Variants in HIF3A observed in about 807,000 individuals in gnomAD.
HIF3A encodes hypoxia-inducible factor 3-alpha.
Under a neutral mutation model 67.2 loss-of-function variants are expected in HIF3A, and 41 were observed. The observed-to-expected ratio is 0.61, with a 90% CI of 0.48 to 0.79. The LOEUF (loss-of-function observed/expected upper bound fraction) is 0.79. Among genes scored for constraint, HIF3A ranks in the 30% least tolerant of loss-of-function variants. HIF3A has a pLI of 0.00. For synonymous variants in HIF3A, 356 were observed against 374.8 expected (o/e 0.95, Z 0.58); for missense variants, 855 against 898.0 (o/e 0.95, Z 0.61).
intron 14 of HIF3A, among the ~76,000 whole-genome samples, chr19:46,336,428 G>A (rs1488416054): frequency 6.6e-6 from 1 of 151,930 alleles, no homozygotes; most frequent in African/African-American, 2.4e-5. Context: ...GTGCAGTGGT[G>A]CACTGTCAGC....
At chr19:46,324,198 C>T (rs1044035974) in intron 10 of HIF3A, among the ~76,000 whole-genome samples, 2 of 152,208 alleles carry the variant, frequency 1.3e-5, no homozygotes, top group African/African-American at 4.8e-5. Context: ...TTAATTTCTT[C>T]ACCTATAAAA....
Position 46,324,985 on chromosome 19 carries a change from TTGTGTG to T in HIF3A, c.1336-525_1336-520del, listed in dbSNP as rs542186240. On this transcript the variant is annotated intron_variant, in intron 10 of 14. Transcript: ENST00000377670. ...ACATACACACACACACACACATATA[TTGTGTG>T]TGTGTGTGTGTGTGTGTGTGTGTGA... Among the ~76,000 whole-genome samples the T allele has an allele frequency of 2.5e-4, 32 of 127,926 alleles. No individual in the cohort carries two copies. The South Asian group carries it at 5.6e-3, about 23-fold the overall frequency. The allele number at this position is 127,926 out of a possible 152,430, so 83.9% of individuals were successfully genotyped here. A position where few individuals can be genotyped will look rare whatever the true frequency, so the allele number is the denominator to read the frequency against.
At chr19:46,310,526 C>T in intron 6 of HIF3A, 2 of 449,000 alleles carry the variant, frequency 4.5e-6, no homozygotes, top group Non-Finnish European at 9.0e-6. Context: ...ATCCCTCGCC[C>T]TGGTGTCATG....
chr19:46,333,324 G>A (rs923115801), intron 13 of HIF3A, among the ~76,000 whole-genome samples: 11 of 151,628 alleles, frequency 7.3e-5, no homozygotes, highest in Non-Finnish European at 1.6e-4. Context: ...AAATCAGCAA[G>A]CCTGGTGCAG....
chr19:46,303,336 G>A (rs537425371), intron 1 of HIF3A, among the ~76,000 whole-genome samples: 90 of 152,334 alleles, frequency 5.9e-4, no homozygotes, highest in African/African-American at 1.9e-3. Flanking sequence ...TCACCCTGGC[G>A]GGTCCCTGCC....
chr19:46,329,428 T>G lies in HIF3A; in HGVS notation c.1662T>G (p.Pro554=), dbSNP rs781675722. ...GSDPRLSCSS[P]SRGDPSASSP... ...ACCCCCGGCTGAGCTGCTCCAGCCC[T>G]TCCAGAGGGGACCCCTCAGCATCCT... is the stretch of plus-strand genomic sequence containing the variant. The change falls in exon 12 of 15, where the codon CCT becomes CCG. Residue 554 remains proline (P), a synonymous_variant. Transcript: ENST00000377670. 6.3e-7 allele frequency: 1 copy of G among 1,578,052 alleles called. No individual in the cohort carries two copies. Among genetic ancestry groups the G allele is most frequent in the East Asian group, 2.3e-5 (1 of 44,060 alleles).
Position 46,339,871 on chromosome 19 carries a change from G to T in HIF3A, c.*249G>T. On this transcript the variant is annotated 3_prime_UTR_variant, in exon 15 of 15. Coordinates refer to ENST00000377670, the MANE Select transcript of HIF3A (RefSeq NM_152795.4). ...CCCTGGCCCCCTCCTCCTTCTCTCA[G>T]GATTTCTCTTGGGGTTCTCAATACT... 2.5e-6 allele frequency: 1 copy of T among 392,294 alleles called. No homozygotes were observed. Among genetic ancestry groups the T allele is most frequent in the Non-Finnish European group, 4.5e-6 (1 of 221,822 alleles). 24.3% of individuals were successfully genotyped at this position (392,294 alleles called of 1,614,324 possible). A position where few individuals can be genotyped will look rare whatever the true frequency, so the allele number is the denominator to read the frequency against.
intron 1 of HIF3A, among the ~76,000 whole-genome samples, chr19:46,302,127 T>C (rs1186524356): frequency 6.6e-6 from 1 of 152,082 alleles, no homozygotes; most frequent in Non-Finnish European, 1.5e-5. Context: ...GTCTTTTTTT[T>C]GTTTTTTATT....
At chr19:46,323,104 G>A (rs1234731122) in intron 10 of HIF3A, among the ~76,000 whole-genome samples, 2 of 151,198 alleles carry the variant, frequency 1.3e-5, no homozygotes, top group Admixed American at 6.6e-5. Context: ...AGGCTGGAGT[G>A]CAATGGCATG....
chr19:46,297,119 G>A lies in HIF3A; in HGVS notation c.26+17G>A. On this transcript the variant is annotated intron_variant, in intron 1 of 14. Transcript: ENST00000377670. This position sits in a 1 kb window ranked among gnomAD's most constrained non-coding sequence, Gnocchi z 4.5. ...GCGCGCAAGGTACTGAAGTTCGGGG[G>A]CAGGAGTTCTGGGAATTGGGGGGCT... 2 of 1,198,238 alleles carry A rather than the reference G, an allele frequency of 1.7e-6. No homozygotes were observed. Among genetic ancestry groups the A allele is most frequent in the Non-Finnish European group, 2.1e-6 (2 of 945,262 alleles). 74.2% of individuals were successfully genotyped at this position (1,198,238 alleles called of 1,614,324 possible).
chr19:46,335,324 C>T (rs1971534554), intron 14 of HIF3A, among the ~76,000 whole-genome samples: 1 of 151,870 alleles, frequency 6.6e-6, no homozygotes, highest in Non-Finnish European at 1.5e-5. Context: ...GGCTGGAGTG[C>T]AGTGGCATGA....
Position 46,305,065 on chromosome 19 carries a change from C to T in HIF3A, c.218-180C>T, listed in dbSNP as rs376784340. On this transcript the variant is annotated intron_variant, in intron 2 of 14. Coordinates refer to ENST00000377670, the MANE Select transcript of HIF3A (RefSeq NM_152795.4). The stretch of plus-strand genomic sequence containing the variant: ...GGAGGCCCTGCTTCTAATTCCAGTG[C>T]TTCTTGGTCCTGCTTTCTTCCTTGG... 21 of 830,568 alleles carry T rather than the reference C, an allele frequency of 2.5e-5. No homozygotes were observed. In the African/African-American group the frequency reaches 2.8e-4, roughly 11 times the overall value. The allele number at this position is 830,568 out of a possible 1,614,324, so 51.4% of individuals were successfully genotyped here.
chr19:46,326,209 C>T (rs1307361896), intron 11 of HIF3A, among the ~76,000 whole-genome samples: 7 of 152,174 alleles, frequency 4.6e-5, no homozygotes, highest in Non-Finnish European at 1.0e-4. Context: ...GGCTGGAGGC[C>T]TCAGTTCCTC....
chr19:46,307,455 A>T (rs554698708), intron 3 of HIF3A, among the ~76,000 whole-genome samples: 9 of 152,072 alleles, frequency 5.9e-5, no homozygotes, highest in Non-Finnish European at 1.2e-4. Flanking sequence ...AATTTGTAAA[A>T]ATTAGCCAAA....
chr19:46,300,656 G>A (rs748000465), intron 1 of HIF3A, among the ~76,000 whole-genome samples: 2 of 152,164 alleles, frequency 1.3e-5, no homozygotes, highest in East Asian at 1.9e-4. Flanking sequence ...GCAAGATTAC[G>A]TTCACACAGC....
chr19:46,336,939 A>T (rs895535900), intron 14 of HIF3A, among the ~76,000 whole-genome samples: 3 of 152,178 alleles, frequency 2.0e-5, no homozygotes, highest in African/African-American at 7.2e-5. Flanking sequence ...GTGAGCTGAG[A>T]TCACGCCATT....
At chr19:46,305,112 A>G (rs1968716520) in intron 2 of HIF3A, 133 bp from the exon 3 acceptor site, 4 of 1,267,172 alleles carry the variant, frequency 3.2e-6, no homozygotes, top group Non-Finnish European at 4.6e-6. Flanking sequence ...ACTAGGATGT[A>G]CCCCCACTTC....
chr19:46,337,150 C>G (rs1290247313), intron 14 of HIF3A, among the ~76,000 whole-genome samples: 1 of 152,020 alleles, frequency 6.6e-6, no homozygotes, highest in African/African-American at 2.4e-5. Flanking sequence ...GATAGCTGAG[C>G]AAAGACCTGG....
chr19:46,302,861 G>A (rs557611129), intron 1 of HIF3A, among the ~76,000 whole-genome samples: 2 of 152,180 alleles, frequency 1.3e-5, no homozygotes, highest in African/African-American at 4.8e-5. Context: ...GCAACAGAGC[G>A]ACAGCCTGTC....
Sources: gnomAD v4.1 joint callset for allele counts (sites outside exome capture counted in the v4.1 genomes callset) on GRCh38, gnomAD v4.1.1 for gene constraint, Gnocchi (gnomAD v3.1) non-coding constraint, MANE v1.5 for transcripts, NCBI Gene and HGNC (gene_info 2026-07-23, HGNC 2026-07-21) for gene names.